The following ASTN2 variants were observed in gnomAD, a reference collection of about 807,000 sequenced individuals.
ASTN2 encodes astrotactin-2.
A neutral mutation model predicts 139.8 loss-of-function variants in ASTN2; 54 were observed. The ratio of observed to expected loss-of-function variants is 0.39; its 90% CI spans 0.31 to 0.48. The LOEUF (loss-of-function observed/expected upper bound fraction) is 0.48, where lower values mean the gene tolerates loss of function less well. ASTN2 is among the 20% of genes least tolerant of loss of function. The pLI, the probability that ASTN2 is intolerant of heterozygous loss-of-function variation, is 0.95. For missense variants in ASTN2, 1,565 were observed against 1,725.1 expected (o/e 0.91, Z 1.64); for synonymous variants, 756 against 719.5 (o/e 1.05, Z -0.81).
intron 19 of ASTN2, among the ~76,000 whole-genome samples, chr9:116,542,559 A>G (rs1182859729): frequency 1.3e-5 from 2 of 152,240 alleles, no homozygotes; most frequent in Admixed American, 6.5e-5. Flanking sequence ...TATTCTGGGA[A>G]AAAAATAGAT....
intron 2 of ASTN2, among the ~76,000 whole-genome samples, chr9:117,223,754 T>C (rs1258102630): frequency 6.6e-6 from 1 of 152,216 alleles, no homozygotes; most frequent in African/African-American, 2.4e-5. Context: ...TTTGTAAAAA[T>C]ATACTCACAC....
intron 5 of ASTN2, among the ~76,000 whole-genome samples, chr9:117,045,552 T>G (rs1838709265): frequency 6.6e-6 from 1 of 152,194 alleles, no homozygotes; most frequent in Non-Finnish European, 1.5e-5. Flanking sequence ...TAAAATGCAT[T>G]GCTTAAGAAA....
At chr9:117,185,774 T>G (rs1433724135) in intron 3 of ASTN2, among the ~76,000 whole-genome samples, 1 of 151,696 alleles carries the variant, frequency 6.6e-6, no homozygotes, top group African/African-American at 2.4e-5. Flanking sequence ...CATGCAGAGG[T>G]TAGGAAGCAT....
intron 1 of ASTN2, among the ~76,000 whole-genome samples, chr9:117,315,883 C>T (rs982477424): frequency 6.6e-6 from 1 of 152,142 alleles, no homozygotes; most frequent in African/African-American, 2.4e-5. Flanking sequence ...CCTCCAGGCA[C>T]ATAAGTATAG....
Position 116,618,457 on chromosome 9 carries a change from T to C in ASTN2, c.3222A>G (p.Pro1074=), listed in dbSNP as rs775832422. The C allele has an allele frequency of 1.2e-6, 2 of 1,613,140 alleles. No homozygotes were observed. The highest frequency in any genetic ancestry group is 1.1e-5 in the South Asian group (1 of 90,830). ...PLLQPVLRLS[P]TVEPSSTVVS... ...CCACAGTACTGGAGGGCTCCACTGT[T>C]GGGGACAGCCGCAGCCTACAGGGAA... is the stretch of plus-strand genomic sequence containing the variant. Residue 1074 remains proline (P), a synonymous_variant, in exon 19 of 23, where the codon CCA becomes CCG. Transcript: ENST00000313400.
intron 18 of ASTN2, among the ~76,000 whole-genome samples, chr9:116,620,017 A>C (rs1207575509): frequency 6.6e-6 from 1 of 152,048 alleles, no homozygotes; most frequent in African/African-American, 2.4e-5. Context: ...GACCTGACAA[A>C]GTAGTCAGCT....
At chr9:116,615,974 A>C (rs1182505319) in intron 19 of ASTN2, among the ~76,000 whole-genome samples, 1 of 152,224 alleles carries the variant, frequency 6.6e-6, no homozygotes, top group Non-Finnish European at 1.5e-5. Context: ...ATGGTGAAAG[A>C]CTAAATGCCT....
At chr9:117,025,506 T>C (rs1838041580) in intron 6 of ASTN2, among the ~76,000 whole-genome samples, 1 of 152,114 alleles carries the variant, frequency 6.6e-6, no homozygotes, top group Non-Finnish European at 1.5e-5. Context: ...TTCATTTGAG[T>C]CTTTGCAGGG....
At chr9:116,983,513 A>G (rs1244228414) in intron 7 of ASTN2, among the ~76,000 whole-genome samples, 1 of 152,198 alleles carries the variant, frequency 6.6e-6, no homozygotes, top group African/African-American at 2.4e-5. Context: ...CACAAACATC[A>G]CAACAATAAA....
chr9:116,951,768 C>T (rs1835570737), intron 10 of ASTN2, among the ~76,000 whole-genome samples: 1 of 152,192 alleles, frequency 6.6e-6, no homozygotes, highest in Admixed American at 6.5e-5. Context: ...CTCAAGGTAA[C>T]ATTCCCCAAA....
At chr9:116,746,725 G>A (rs1829245719) in intron 13 of ASTN2, among the ~76,000 whole-genome samples, 1 of 152,068 alleles carries the variant, frequency 6.6e-6, no homozygotes, top group Non-Finnish European at 1.5e-5. Flanking sequence ...GGAGTTAGAT[G>A]TTCCTTCTTT....
chr9:117,387,475 T>C (rs1457414040), intron 1 of ASTN2, among the ~76,000 whole-genome samples: 1 of 152,036 alleles, frequency 6.6e-6, no homozygotes, highest in Non-Finnish European at 1.5e-5. Flanking sequence ...GACATTAACT[T>C]AGAATCTGAA....
intron 17 of ASTN2, among the ~76,000 whole-genome samples, chr9:116,646,152 T>C (rs1056745980): frequency 1.3e-5 from 2 of 152,178 alleles, no homozygotes; most frequent in Non-Finnish European, 2.9e-5. Context: ...CCCAAGCCGG[T>C]AGAGCAAAGA....
At chr9:117,008,894 C>A (rs989222797) in intron 6 of ASTN2, among the ~76,000 whole-genome samples, 6 of 151,928 alleles carry the variant, frequency 3.9e-5, no homozygotes, top group Non-Finnish European at 8.8e-5. Flanking sequence ...ATAAGAAAGA[C>A]AGAAAGATAT....
intron 10 of ASTN2, among the ~76,000 whole-genome samples, chr9:116,924,272 A>T (rs1564342943): frequency 6.6e-6 from 1 of 151,314 alleles, no homozygotes; most frequent in South Asian, 2.1e-4. Context: ...AAAAAAAAAA[A>T]AAAAAAACTT....
chr9:117,307,620 C>T (rs1835035211), intron 1 of ASTN2, among the ~76,000 whole-genome samples: 1 of 152,208 alleles, frequency 6.6e-6, no homozygotes, highest in East Asian at 1.9e-4. Flanking sequence ...AATGTTCAGA[C>T]CAGCATATGT....
At chr9:117,288,385 G>C (rs1038805808) in intron 2 of ASTN2, among the ~76,000 whole-genome samples, 11 of 152,278 alleles carry the variant, frequency 7.2e-5, no homozygotes, top group African/African-American at 2.6e-4. Flanking sequence ...CTGTCAAAAG[G>C]GGATGGAGTG....
chr9:116,656,266 C>G (rs1349180492), intron 16 of ASTN2, among the ~76,000 whole-genome samples: 1 of 152,062 alleles, frequency 6.6e-6, no homozygotes, highest in African/African-American at 2.4e-5. Context: ...ACCTAAGAGC[C>G]AGAATTGGTA....
At chr9:117,241,340 T>C (rs562610578) in intron 2 of ASTN2, among the ~76,000 whole-genome samples, 16 of 152,130 alleles carry the variant, frequency 1.1e-4, no homozygotes, top group African/African-American at 3.6e-4. Context: ...AAGTTAGAGG[T>C]CATTTTGACA....
Sources: allele counts gnomAD v4.1 joint callset (sites outside exome capture counted in the v4.1 genomes callset), GRCh38; gene constraint gnomAD v4.1.1; transcripts MANE v1.5; gene names NCBI Gene and HGNC (gene_info 2026-07-23, HGNC 2026-07-21).